The following AGBL4 variants were observed in gnomAD, a reference collection of about 807,000 sequenced individuals.
AGBL4 encodes AGBL carboxypeptidase 4, also known as cytosolic carboxypeptidase 6.
A neutral mutation model predicts 66.4 loss-of-function variants in AGBL4; 58 were observed. That is an observed-to-expected ratio of 0.87 (90% CI 0.71 to 1.09). The LOEUF is 1.09. Among genes scored for constraint, AGBL4 ranks in the 50% least tolerant of loss-of-function variants. The probability of loss-of-function intolerance (pLI) is 0.00; values close to 1 mark genes in which losing one functional copy is unlikely to be tolerated. For synonymous variants in AGBL4, 234 were observed against 222.9 expected (o/e 1.05, Z -0.44); for missense variants, 579 against 631.0 (o/e 0.92, Z 0.88).
intron 4 of AGBL4, among the ~76,000 whole-genome samples, chr1:49,172,834 T>C (rs960540100): frequency 2.0e-5 from 3 of 152,078 alleles, no homozygotes; most frequent in Non-Finnish European, 2.9e-5. Flanking sequence ...TTGGATATAA[T>C]AGTACTCTAG....
rs1332767528 is a variant in AGBL4, at chr1:48,736,529, G to T, written c.635-73288C>A. ...GGAGGCTTCTCTTGTCCTTTAAAAAGCATTGCTGCACAACTGTAAGAGATT... is the reference window on the plus strand; with the variant it reads ...GGAGGCTTCTCTTGTCCTTTAAAAATCATTGCTGCACAACTGTAAGAGATT... On this transcript the variant is annotated intron_variant, in intron 6 of 13. Transcript: ENST00000371839. This position sits in a 1 kb window ranked among gnomAD's most constrained non-coding sequence, Gnocchi z 4.0. 8.1e-7 allele frequency: 1 copy of T among 1,232,252 alleles called. No individual in the cohort carries two copies. The highest frequency in any genetic ancestry group is 1.2e-6 in the Non-Finnish European group (1 of 848,814). 76.3% of individuals were successfully genotyped at this position (1,232,252 alleles called of 1,614,324 possible). A position where few individuals can be genotyped will look rare whatever the true frequency, so the allele number is the denominator to read the frequency against.
At chr1:49,216,757 C>T (rs919102203) in intron 4 of AGBL4, among the ~76,000 whole-genome samples, 5 of 152,036 alleles carry the variant, frequency 3.3e-5, no homozygotes, top group African/African-American at 1.2e-4. Context: ...ACAATTAAGT[C>T]AGTAAGGCTT....
rs1213550260 is a variant in AGBL4 at position 48,899,325 on chromosome 1, A to G, written c.595-32095T>C. On this transcript the variant is annotated intron_variant, in intron 5 of 13. Transcript: ENST00000371839. ...AACTTCTCTTGCCTCATTTCAAACTAGTGGAAAATGAAATGAAGCAAAGGA... is the reference window on the plus strand; with the variant it reads ...AACTTCTCTTGCCTCATTTCAAACTGGTGGAAAATGAAATGAAGCAAAGGA... 3.3e-5 allele frequency among the ~76,000 whole-genome samples: 5 copies of G among 152,236 alleles called. No homozygotes were observed. In the South Asian group the frequency reaches 1.0e-3, roughly 31 times the overall value.
chr1:48,713,142 T>G (rs6679934), intron 6 of AGBL4, among the ~76,000 whole-genome samples: 11,739 of 152,244 alleles, frequency 0.077, 737 homozygotes, highest in African/African-American at 0.18. Flanking sequence ...GAGCAGTTCT[T>G]GTCTGGTAGG....
intron 6 of AGBL4, among the ~76,000 whole-genome samples, chr1:48,794,820 CT>C (rs989586404): frequency 2.6e-5 from 4 of 152,170 alleles, no homozygotes; most frequent in Admixed American, 2.6e-4. Flanking sequence ...GTGCAGACTT[CT>C]ATTCTGAACT....
At chr1:48,760,707 T>C (rs1278037066) in intron 6 of AGBL4, among the ~76,000 whole-genome samples, 1 of 152,152 alleles carries the variant, frequency 6.6e-6, no homozygotes, top group Non-Finnish European at 1.5e-5. Flanking sequence ...AATCAGACCA[T>C]GGTCAATGCA....
At chr1:49,583,940 A>T (rs761465629) in intron 3 of AGBL4, among the ~76,000 whole-genome samples, 1 of 151,892 alleles carries the variant, frequency 6.6e-6, no homozygotes, top group Non-Finnish European at 1.5e-5. Flanking sequence ...TAAAAAACCA[A>T]CTCCAGAGAT....
rs376841166 is a variant in AGBL4 at position 50,009,224 on chromosome 1, C to T, written c.34+14539G>A. On this transcript the variant is annotated intron_variant, in intron 1 of 13. Transcript: ENST00000371839. ...ACAAACAAACAAAAACACTACAGGCCAATATCCCTGATTAACAGAAATTGA... is the reference window on the plus strand; with the variant it reads ...ACAAACAAACAAAAACACTACAGGCTAATATCCCTGATTAACAGAAATTGA... Among the ~76,000 whole-genome samples, 6 of 152,072 alleles carry T rather than the reference C, an allele frequency of 3.9e-5. No individual in the cohort carries two copies. In the South Asian group the frequency reaches 1.0e-3, roughly 26 times the overall value.
chr1:48,936,245 A>G (rs970778645), intron 5 of AGBL4, among the ~76,000 whole-genome samples: 1 of 152,166 alleles, frequency 6.6e-6, no homozygotes, highest in Admixed American at 6.5e-5. Context: ...CCTGGGTGAC[A>G]AAGTGATATC....
intron 3 of AGBL4, among the ~76,000 whole-genome samples, chr1:49,411,097 G>A (rs982109646): frequency 1.3e-5 from 2 of 152,156 alleles, no homozygotes; most frequent in East Asian, 1.9e-4. Flanking sequence ...GCAGTGGTTC[G>A]GTCCAAGTCC....
intron 3 of AGBL4, among the ~76,000 whole-genome samples, chr1:49,559,734 T>A (rs1643988666): frequency 6.6e-6 from 1 of 152,142 alleles, no homozygotes; most frequent in South Asian, 2.1e-4. Flanking sequence ...CAGGGGCTCT[T>A]AAGCCTTCAG....
At chr1:49,500,278 C>T (rs570828266) in intron 3 of AGBL4, among the ~76,000 whole-genome samples, 2 of 151,930 alleles carry the variant, frequency 1.3e-5, no homozygotes, top group Admixed American at 6.6e-5. Flanking sequence ...GGATATTAGT[C>T]CTTTGTTGGA....
At chr1:48,764,918 G>T (rs1644457358) in intron 6 of AGBL4, among the ~76,000 whole-genome samples, 1 of 152,144 alleles carries the variant, frequency 6.6e-6, no homozygotes, top group African/African-American at 2.4e-5. Context: ...GCTTCTGGAG[G>T]TAGAGACCTG....
chr1:49,236,001 T>G (rs200624978), intron 4 of AGBL4, among the ~76,000 whole-genome samples: 3 of 124,520 alleles, frequency 2.4e-5, no homozygotes, highest in African/African-American at 5.2e-5. Context: ...TTGAAGGATT[T>G]ATTTATTTAT....
At chr1:49,961,060 C>T (rs181921491) in intron 1 of AGBL4, among the ~76,000 whole-genome samples, 2 of 151,868 alleles carry the variant, frequency 1.3e-5, no homozygotes, top group Admixed American at 6.6e-5. Flanking sequence ...AGATGGGTTA[C>T]GTTGAAATTG....
intron 9 of AGBL4, among the ~76,000 whole-genome samples, chr1:48,630,894 C>T (rs1296017540): frequency 6.6e-6 from 1 of 152,180 alleles, no homozygotes; most frequent in African/African-American, 2.4e-5. Context: ...AAAGTTCTCC[C>T]TGACCTGAGC....
chr1:49,840,573 A>T (rs1423182986), intron 2 of AGBL4, among the ~76,000 whole-genome samples: 1 of 152,138 alleles, frequency 6.6e-6, no homozygotes, highest in Non-Finnish European at 1.5e-5. Context: ...CAAAGAAAGG[A>T]AACTTCAGGT....
chr1:48,690,075 CA>C (rs1206077448), intron 6 of AGBL4, among the ~76,000 whole-genome samples: 1 of 152,372 alleles, frequency 6.6e-6, no homozygotes, highest in Admixed American at 6.5e-5. Context: ...GTCAAGAGGG[CA>C]GCAAGTCTGT....
intron 3 of AGBL4, among the ~76,000 whole-genome samples, chr1:49,526,478 AAAG>A (rs1650671707): frequency 1.3e-5 from 2 of 152,132 alleles, no homozygotes; most frequent in African/African-American, 2.4e-5. Flanking sequence ...AAGAGAAAAA[AAAG>A]AAGGAGCATA....
Sources: allele counts gnomAD v4.1 joint callset (sites outside exome capture counted in the v4.1 genomes callset), GRCh38; gene constraint gnomAD v4.1.1; non-coding constraint Gnocchi (gnomAD v3.1); transcripts MANE v1.5; gene names NCBI Gene and HGNC (gene_info 2026-07-23, HGNC 2026-07-21).